ZNF492: variants seen among roughly 807,000 people sequenced by gnomAD.
ZNF492 encodes zinc finger protein 115 (Y20).
Under a neutral mutation model 6.4 loss-of-function variants are expected in ZNF492, and 3 were observed. The ratio of observed to expected loss-of-function variants is 0.47; its 90% CI spans 0.21 to 1.22. ZNF492 has a LOEUF of 1.22. Ranked by LOEUF, ZNF492 falls within the 50% of genes most tolerant of loss-of-function variation. ZNF492 has a pLI of 0.22. For missense variants in ZNF492, 356 were observed against 612.5 expected (o/e 0.58, Z 4.42); for synonymous variants, 112 against 205.3 (o/e 0.55, Z 3.89).
At chr19:22,661,491 C>CAATT (rs1474356763) in intron 3 of ZNF492, among the ~76,000 whole-genome samples, 1 of 152,096 alleles carries the variant, frequency 6.6e-6, no homozygotes, top group Non-Finnish European at 1.5e-5. Context: ...AGTCTGAAAA[C>CAATT]AATTATCTTG....
In ZNF492 at chr19:22,653,356, G is replaced by A. The variant is rs546836694; in HGVS notation, c.-44G>A. The stretch of plus-strand genomic sequence containing the variant: ...GCCATAGAATTCTCTCTGGAGGAGT[G>A]GCAATGCCTGGACACCGCACAGCAG... On this transcript the variant is annotated 5_prime_UTR_variant, in exon 2 of 4. Coordinates refer to ENST00000456783, the MANE Select transcript of ZNF492 (RefSeq NM_020855.3). The A allele has an allele frequency of 3.7e-6, 6 of 1,613,780 alleles. No individual in the cohort carries two copies. The highest frequency in any genetic ancestry group is 5.1e-6 in the Non-Finnish European group (6 of 1,179,966).
chr19:22,654,117 C>T, intron 3 of ZNF492, 102 bp downstream of exon 3: 1 of 1,357,106 alleles, frequency 7.4e-7, no homozygotes, highest in South Asian at 1.7e-5. Context: ...ATCTGTGTTC[C>T]AAAGGAAATA....
chr19:22,647,674 C>A (rs115486665), intron 1 of ZNF492, among the ~76,000 whole-genome samples: 1 of 150,094 alleles, frequency 6.7e-6, no homozygotes, highest in East Asian at 2.0e-4. Context: ...ATTTCTTGTC[C>A]TCTGCTAGCT....
intron 1 of ZNF492, among the ~76,000 whole-genome samples, chr19:22,642,864 A>G (rs1971842270): frequency 6.6e-6 from 1 of 152,210 alleles, no homozygotes; most frequent in African/African-American, 2.4e-5. Context: ...AGGTAGAATT[A>G]AATTTAGCAA....
chr19:22,636,186 G>T (rs556695443), intron 1 of ZNF492, among the ~76,000 whole-genome samples: 110 of 151,246 alleles, frequency 7.3e-4, no homozygotes, highest in Admixed American at 1.8e-3. Context: ...GGCAACCTCC[G>T]CCTCCCAGGT....
chr19:22,638,906 G>A (rs1787115954), intron 1 of ZNF492, among the ~76,000 whole-genome samples: 1 of 151,964 alleles, frequency 6.6e-6, no homozygotes, highest in African/African-American at 2.4e-5. Context: ...GCAGTGGTGC[G>A]ATTTCGGCTC....
chr19:22,639,950 T>A (rs916905989), intron 1 of ZNF492, among the ~76,000 whole-genome samples: 1 of 151,958 alleles, frequency 6.6e-6, no homozygotes, highest in African/African-American at 2.4e-5. Context: ...GAAAAATGAT[T>A]CCAGGTTATG....
At chr19:22,639,779 G>C (rs1358317726) in intron 1 of ZNF492, among the ~76,000 whole-genome samples, 2 of 149,488 alleles carry the variant, frequency 1.3e-5, no homozygotes, top group Admixed American at 1.3e-4. Context: ...TTCAGATACA[G>C]CATTATGTCA....
At position 22,664,235 on chromosome 19, in the gene ZNF492, G is replaced by T. The variant is rs186644138; in HGVS notation, c.566G>T (p.Arg189Ile). The part of the protein sequence containing the change: ...NETSNLSTHK[R>I]IHTGKKPYKC... ...ACCTCAAACCTTTCTACACATAAAAGAATTCATACTGGAAAGAAACCCTAC... is the reference window on the plus strand; with the variant it reads ...ACCTCAAACCTTTCTACACATAAAATAATTCATACTGGAAAGAAACCCTAC... Residue 189 changes from arginine to isoleucine, a missense_variant, in exon 4 of 4, where the codon AGA becomes ATA. Coordinates refer to ENST00000456783, the MANE Select transcript of ZNF492 (RefSeq NM_020855.3). 1.9e-6 allele frequency: 3 copies of T among 1,611,308 alleles called. No individual in the cohort carries two copies. Among genetic ancestry groups the T allele is most frequent in the Non-Finnish European group, 2.5e-6 (3 of 1,178,598 alleles).
chr19:22,645,520 TTTAA>T (rs1320110850), intron 1 of ZNF492, among the ~76,000 whole-genome samples: 3 of 152,232 alleles, frequency 2.0e-5, no homozygotes, highest in Non-Finnish European at 4.4e-5. Flanking sequence ...AGCTCTTTAG[TTTAA>T]TTAGCTCTTA....
chr19:22,642,269 G>T (rs752814662), intron 1 of ZNF492, among the ~76,000 whole-genome samples: 2 of 151,888 alleles, frequency 1.3e-5, no homozygotes, highest in Non-Finnish European at 1.5e-5. Context: ...TGAAAATAAG[G>T]GAGGATATTT....
At chr19:22,660,180 GAAA>G (rs140402601) in intron 3 of ZNF492, among the ~76,000 whole-genome samples, 29,301 of 151,574 alleles carry the variant, frequency 0.19, 3,653 homozygotes, top group African/African-American at 0.36. Flanking sequence ...GACTCTTGTA[GAAA>G]AAAAAGTTGG....
At chr19:22,659,838 G>A (rs999673758) in intron 3 of ZNF492, among the ~76,000 whole-genome samples, 7 of 151,660 alleles carry the variant, frequency 4.6e-5, no homozygotes, top group Admixed American at 6.6e-5. Context: ...GCTAATTTTT[G>A]TATTTTTAGT....
At chr19:22,657,038 C>T (rs1400493673) in intron 3 of ZNF492, among the ~76,000 whole-genome samples, 1 of 152,038 alleles carries the variant, frequency 6.6e-6, no homozygotes, top group African/African-American at 2.4e-5. Flanking sequence ...TTTATTTTTC[C>T]ATCTTAGTGA....
chr19:22,635,560 T>C (rs1315226484), intron 1 of ZNF492, among the ~76,000 whole-genome samples: 5 of 152,256 alleles, frequency 3.3e-5, no homozygotes, highest in African/African-American at 9.6e-5. Flanking sequence ...CGATAGTGAA[T>C]TGTAAAAAAT....
intron 1 of ZNF492, among the ~76,000 whole-genome samples, chr19:22,637,857 T>G (rs1971783921): frequency 6.6e-6 from 1 of 152,218 alleles, no homozygotes; most frequent in South Asian, 2.1e-4. Context: ...TAAGCATTCC[T>G]GTTTCTCTGT....
intron 3 of ZNF492, 36 bp from the exon 4 acceptor site, chr19:22,663,764 G>C (rs752623686): frequency 5.2e-5 from 75 of 1,452,288 alleles, no homozygotes; most frequent in Non-Finnish European, 6.3e-5. Context: ...GTCTGAGTCA[G>C]TAAGTGAAGT....
rs1356105477 is a variant in ZNF492, at chr19:22,666,042, G to T, written c.*777G>T. ...TTACAAGTATACTTTTTTTTAGAAAGATTACAGATTTTTTTTAAAAGTAAA... is the reference window on the plus strand; with the variant it reads ...TTACAAGTATACTTTTTTTTAGAAATATTACAGATTTTTTTTAAAAGTAAA... On this transcript the variant is annotated 3_prime_UTR_variant, in exon 4 of 4. Coordinates refer to ENST00000456783, the MANE Select transcript of ZNF492 (RefSeq NM_020855.3). 1 of 144,876 alleles carries T rather than the reference G, an allele frequency of 6.9e-6. No homozygotes were observed. The highest frequency in any genetic ancestry group is 1.5e-5 in the Non-Finnish European group (1 of 67,078). 9.0% of individuals were successfully genotyped at this position (144,876 alleles called of 1,614,324 possible).
At chr19:22,653,738 GGTAGTGAAATTAA>G (rs1287745336) in intron 2 of ZNF492, among the ~76,000 whole-genome samples, 169 bp from the exon 3 acceptor site, 1 of 151,758 alleles carries the variant, frequency 6.6e-6, no homozygotes, top group East Asian at 1.9e-4. Flanking sequence ...AGTAGTATCA[GGTAGTGAAATTAA>G]GAACTTACAA....
Sources: allele counts gnomAD v4.1 joint callset (sites outside exome capture counted in the v4.1 genomes callset), GRCh38; gene constraint gnomAD v4.1.1; transcripts MANE v1.5; gene names NCBI Gene and HGNC (gene_info 2026-07-23, HGNC 2026-07-21).